The following SNTG1 variants were observed in gnomAD, a reference collection of about 807,000 sequenced individuals.
The protein encoded by SNTG1 is gamma-1-syntrophin.
A neutral mutation model predicts 74.7 loss-of-function variants in SNTG1; 39 were observed. The ratio of observed to expected loss-of-function variants is 0.52; its 90% confidence interval spans 0.40 to 0.68. SNTG1 has a LOEUF of 0.68. Ranked by LOEUF, SNTG1 falls within the 30% of genes least tolerant of loss-of-function variation. SNTG1 has a pLI of 0.00. For missense variants in SNTG1, 685 were observed against 609.5 expected (o/e 1.12, Z -1.30); for synonymous variants, 254 against 217.1 (o/e 1.17, Z -1.49).
intron 1 of SNTG1, among the ~76,000 whole-genome samples, chr8:50,041,919 C>T (rs2130820847): frequency 6.6e-6 from 1 of 152,310 alleles, no homozygotes; most frequent in Admixed American, 6.5e-5. Flanking sequence ...TGGATCCCAT[C>T]CTTTCATACT....
chr8:50,223,856 C>G (rs747390645), intron 2 of SNTG1, among the ~76,000 whole-genome samples: 1 of 151,748 alleles, frequency 6.6e-6, no homozygotes, highest in Admixed American at 6.6e-5. Flanking sequence ...ATTAGCTACA[C>G]AAAAATAGTG....
chr8:50,668,741 A>T (rs1424093640), intron 15 of SNTG1, among the ~76,000 whole-genome samples: 1 of 151,626 alleles, frequency 6.6e-6, no homozygotes, highest in Non-Finnish European at 1.5e-5. Flanking sequence ...GTGAGTGAGA[A>T]CATGTCAGTG....
chr8:50,542,969 G>A (rs2625751), intron 11 of SNTG1, among the ~76,000 whole-genome samples: 21,227 of 152,062 alleles, frequency 0.14, 1,612 homozygotes, highest in African/African-American at 0.19. Flanking sequence ...TGAGTGTCCT[G>A]TATATTCTGT....
chr8:50,501,616 T>TTA (rs1274472056), intron 8 of SNTG1, among the ~76,000 whole-genome samples: 7 of 149,136 alleles, frequency 4.7e-5, no homozygotes, highest in Non-Finnish European at 7.5e-5. Context: ...TTTTTATTTT[T>TTA]TTTTTTTTTT....
chr8:50,304,936 C>G (rs2089817174), intron 2 of SNTG1, among the ~76,000 whole-genome samples: 1 of 151,968 alleles, frequency 6.6e-6, no homozygotes, highest in African/African-American at 2.4e-5. Context: ...GACTCACTCT[C>G]TTTTTGCCCA....
At chr8:50,660,241 G>GGAAGGAAGGAAAGAAGCAAGGAAA (rs1268485246) in intron 15 of SNTG1, among the ~76,000 whole-genome samples, 6 of 144,204 alleles carry the variant, frequency 4.2e-5, no homozygotes, top group African/African-American at 1.6e-4. Context: ...AAGGAAAGAA[G>GGAAGGAAGGAAAGAAGCAAGGAAA]GAAGGAAAGA....
chr8:50,487,602 CT>C (rs1231985663), intron 8 of SNTG1, among the ~76,000 whole-genome samples: 9 of 150,734 alleles, frequency 6.0e-5, no homozygotes, highest in African/African-American at 2.2e-4. Context: ...AAACCAAACA[CT>C]GCATATTCTC....
intron 2 of SNTG1, among the ~76,000 whole-genome samples, chr8:50,369,411 A>G (rs2092211055): frequency 6.6e-6 from 1 of 152,190 alleles, no homozygotes; most frequent in Admixed American, 6.5e-5. Flanking sequence ...AGCCTGACCA[A>G]CATGGGGAAA....
At chr8:50,445,589 A>G (rs1247091615) in intron 5 of SNTG1, among the ~76,000 whole-genome samples, 1 of 152,216 alleles carries the variant, frequency 6.6e-6, no homozygotes, top group Non-Finnish European at 1.5e-5. Context: ...TATAAAATCC[A>G]CTATGCTTTG....
intron 12 of SNTG1, 79 bp downstream of exon 12, chr8:50,553,258 T>C (rs2094437688): frequency 1.3e-6 from 2 of 1,535,942 alleles, no homozygotes; most frequent in Non-Finnish European, 1.8e-6. Context: ...TAACTTCACA[T>C]CAACTGTTTG....
intron 17 of SNTG1, among the ~76,000 whole-genome samples, chr8:50,740,976 CTG>C (rs2095541967): frequency 1.3e-5 from 2 of 151,988 alleles, no homozygotes; most frequent in African/African-American, 4.8e-5. Flanking sequence ...ACAACATACA[CTG>C]AGGCCTATCA....
chr8:50,603,148 T>C (rs1202148481), intron 13 of SNTG1, among the ~76,000 whole-genome samples: 3 of 152,204 alleles, frequency 2.0e-5, no homozygotes, highest in Admixed American at 6.5e-5. Context: ...CAATAACTTT[T>C]AGATTTGCCT....
At position 50,480,992 on chromosome 8, in the gene SNTG1, A is replaced by T. The variant is rs2093735150; in HGVS notation, c.364-21786A>T. Among the ~76,000 whole-genome samples the T allele has an allele frequency of 2.0e-5, 3 of 152,246 alleles. No homozygotes were observed. The East Asian group carries it at 5.8e-4, about 29-fold the overall frequency. On this transcript the variant is annotated intron_variant, in intron 8 of 18. Coordinates refer to ENST00000642720, the MANE Select transcript of SNTG1 (RefSeq NM_018967.5). ...TAGTATCCTCTTGTATATAAAAAGT[A>T]TTACTAAAAGTTGTTTCTTGCCATA...
At chr8:50,763,058 A>G (rs2095603561) in intron 18 of SNTG1, among the ~76,000 whole-genome samples, 1 of 151,886 alleles carries the variant, frequency 6.6e-6, no homozygotes, top group Non-Finnish European at 1.5e-5. Context: ...CAAGTCATCA[A>G]TGATACTTCA....
At chr8:50,018,728 A>G (rs1309839317) in intron 1 of SNTG1, among the ~76,000 whole-genome samples, 1 of 152,094 alleles carries the variant, frequency 6.6e-6, no homozygotes, top group Non-Finnish European at 1.5e-5. Flanking sequence ...ATATGTTAAT[A>G]CATCATATAT....
intron 4 of SNTG1, among the ~76,000 whole-genome samples, chr8:50,410,881 T>C (rs980344817): frequency 6.6e-6 from 1 of 152,210 alleles, no homozygotes; most frequent in African/African-American, 2.4e-5. Flanking sequence ...ACTGTGTATA[T>C]ATATGCTTTA....
intron 18 of SNTG1, among the ~76,000 whole-genome samples, chr8:50,784,660 G>C (rs2095669674): frequency 6.6e-6 from 1 of 152,030 alleles, no homozygotes; most frequent in Admixed American, 6.6e-5. Flanking sequence ...ATATTGACTT[G>C]GTCAGCATGA....
chr8:49,988,344 A>C (rs1048818333), intron 1 of SNTG1, among the ~76,000 whole-genome samples: 2 of 152,224 alleles, frequency 1.3e-5, no homozygotes, highest in African/African-American at 4.8e-5. Flanking sequence ...CAGATTTAGC[A>C]GAAGACTTCA....
intron 8 of SNTG1, among the ~76,000 whole-genome samples, chr8:50,492,052 A>G (rs2093861123): frequency 6.6e-6 from 1 of 152,176 alleles, no homozygotes; most frequent in South Asian, 2.1e-4. Flanking sequence ...ATGCCCCTGC[A>G]AAGGACATGA....
Sources: gnomAD v4.1 joint callset for allele counts (sites outside exome capture counted in the v4.1 genomes callset) on GRCh38, gnomAD v4.1.1 for gene constraint, MANE v1.5 for transcripts, NCBI Gene and HGNC (gene_info 2026-07-23, HGNC 2026-07-21) for gene names.